The following MYRIP variants were observed in gnomAD, a reference collection of about 807,000 sequenced individuals.
MYRIP encodes myosin VIIA and Rab interacting protein.
In MYRIP, 49 loss-of-function variants were observed where a neutral mutation model predicts 98.0. The ratio of observed to expected loss-of-function variants is 0.50; its 90% CI spans 0.40 to 0.63. The LOEUF (loss-of-function observed/expected upper bound fraction) is 0.63. MYRIP is among the 30% of genes least tolerant of loss of function. The probability of loss-of-function intolerance (pLI) is 0.00; values close to 1 mark genes in which losing one functional copy is unlikely to be tolerated. For synonymous variants in MYRIP, 404 were observed against 409.5 expected, an observed-to-expected ratio of 0.99 and a Z score of 0.16; for missense variants, 1,004 against 1,058.2, an observed-to-expected ratio of 0.95 and a Z score of 0.71.
At chr3:40,007,520 A>G (rs905075405) in intron 2 of MYRIP, among the ~76,000 whole-genome samples, 1 of 152,192 alleles carries the variant, frequency 6.6e-6, no homozygotes, top group Non-Finnish European at 1.5e-5. Context: ...TTCCTCACAG[A>G]CATTGTGATG....
intron 3 of MYRIP, among the ~76,000 whole-genome samples, chr3:40,108,269 G>C (rs1362508351): frequency 1.5e-5 from 1 of 68,098 alleles, no homozygotes; most frequent in East Asian, 2.8e-4. Flanking sequence ...CAACCAGCTT[G>C]TGTGAAAAAA....
chr3:40,073,779 C>A (rs59795125), intron 3 of MYRIP, among the ~76,000 whole-genome samples: 2,478 of 152,342 alleles, frequency 0.016, 56 homozygotes, highest in African/African-American at 0.054. Context: ...CTGCTCATAT[C>A]TAGCAGCATG....
intron 3 of MYRIP, among the ~76,000 whole-genome samples, chr3:40,137,579 C>A (rs1949806948): frequency 6.6e-6 from 1 of 152,076 alleles, no homozygotes; most frequent in Non-Finnish European, 1.5e-5. Context: ...CAGACACAAG[C>A]AAAAAACAGA....
chr3:39,975,285 C>T lies in MYRIP; in HGVS notation c.111-68765C>T, dbSNP rs547445489. Among the ~76,000 whole-genome samples the T allele has an allele frequency of 3.5e-4, 54 of 152,216 alleles. 1 individual carries two copies. The highest frequency in any genetic ancestry group is 1.3e-3 in the African/African-American group (54 of 41,528). Reference sequence around the variant, plus strand: ...AACAGAGAGCCAAATCATGAGTGAACTCCCATTCACAATTGCTTCAAAGAG... The same window carrying T: ...AACAGAGAGCCAAATCATGAGTGAATTCCCATTCACAATTGCTTCAAAGAG... On this transcript the variant is annotated intron_variant, in intron 2 of 16. Transcript: ENST00000302541.
At chr3:40,071,777 A>G (rs1390957060) in intron 3 of MYRIP, among the ~76,000 whole-genome samples, 1 of 152,214 alleles carries the variant, frequency 6.6e-6, no homozygotes, top group Non-Finnish European at 1.5e-5. Context: ...GACAGGACAT[A>G]TAAAAGAGTT....
chr3:40,254,615 G>C (rs1266980978), intron 16 of MYRIP, among the ~76,000 whole-genome samples: 2 of 152,098 alleles, frequency 1.3e-5, no homozygotes, highest in African/African-American at 2.4e-5. Flanking sequence ...GGCAAAATAT[G>C]GGGGAGGCAT....
At chr3:39,879,158 CT>C (rs1398963428) in intron 1 of MYRIP, among the ~76,000 whole-genome samples, 6 of 151,358 alleles carry the variant, frequency 4.0e-5, no homozygotes, top group Non-Finnish European at 7.4e-5. Flanking sequence ...GTATTTTATT[CT>C]TTGAGTTCTT....
At chr3:40,235,069 T>A (rs1355114781) in intron 12 of MYRIP, among the ~76,000 whole-genome samples, 1 of 152,030 alleles carries the variant, frequency 6.6e-6, no homozygotes, top group Non-Finnish European at 1.5e-5. Context: ...AGCCTCCTTG[T>A]GCCATTAGCA....
chr3:39,899,119 C>A (rs1038130640), intron 1 of MYRIP, among the ~76,000 whole-genome samples: 4 of 152,092 alleles, frequency 2.6e-5, no homozygotes, highest in African/African-American at 9.7e-5. Flanking sequence ...GTACCACATT[C>A]CACTTTGGTT....
intron 1 of MYRIP, among the ~76,000 whole-genome samples, chr3:39,814,030 G>T (rs759982557): frequency 6.6e-6 from 1 of 152,042 alleles, no homozygotes; most frequent in Non-Finnish European, 1.5e-5. Flanking sequence ...ATAGATAAAA[G>T]ATTTTTCTAC....
intron 2 of MYRIP, among the ~76,000 whole-genome samples, chr3:39,941,691 A>G (rs1575399328): frequency 6.6e-6 from 1 of 152,072 alleles, no homozygotes; most frequent in South Asian, 2.1e-4. Flanking sequence ...ATTACATCAC[A>G]TCACATTATA....
chr3:40,252,369 C>A (rs2125724774), intron 16 of MYRIP, among the ~76,000 whole-genome samples: 1 of 152,150 alleles, frequency 6.6e-6, no homozygotes, highest in East Asian at 1.9e-4. Flanking sequence ...CGGCTTACAC[C>A]CAGAAGATTT....
intron 11 of MYRIP, among the ~76,000 whole-genome samples, chr3:40,223,661 T>C (rs116352896): frequency 0.012 from 1,796 of 152,318 alleles, 42 homozygotes; most frequent in African/African-American, 0.039. Flanking sequence ...CAGAGAGATG[T>C]TGAACTTCTC....
intron 1 of MYRIP, among the ~76,000 whole-genome samples, chr3:39,885,990 C>G (rs1219385582): frequency 2.6e-5 from 4 of 152,040 alleles, no homozygotes; most frequent in Non-Finnish European, 5.9e-5. Flanking sequence ...GCCTTCTTCT[C>G]TCAGCTCATC....
intron 13 of MYRIP, among the ~76,000 whole-genome samples, chr3:40,246,522 G>A (rs1953211053): frequency 1.3e-5 from 2 of 152,200 alleles, no homozygotes; most frequent in South Asian, 4.1e-4. Context: ...ACAATTTCTA[G>A]TCTCCTCTTG....
intron 13 of MYRIP, among the ~76,000 whole-genome samples, chr3:40,247,925 C>T (rs1024360665): frequency 6.6e-6 from 1 of 152,242 alleles, no homozygotes; most frequent in Non-Finnish European, 1.5e-5. Context: ...ACTTGCATGG[C>T]ATGGGAGGTT....
chr3:39,808,955 G>T (rs2049625), upstream of MYRIP: 28,998 of 152,152 alleles, frequency 0.19, 2,866 homozygotes, highest in South Asian at 0.29. Context: ...ACTTGGGGGC[G>T]CATTAGCCTG....
At chr3:40,113,978 C>G (rs1197634825) in intron 3 of MYRIP, among the ~76,000 whole-genome samples, 2 of 152,164 alleles carry the variant, frequency 1.3e-5, no homozygotes, top group Admixed American at 1.3e-4. Flanking sequence ...CATGAACCAC[C>G]GCACTCAGCC....
chr3:39,899,776 G>A (rs1943702876), intron 1 of MYRIP, among the ~76,000 whole-genome samples: 1 of 152,130 alleles, frequency 6.6e-6, no homozygotes, highest in Admixed American at 6.6e-5. Flanking sequence ...TTAATTTGCA[G>A]TTCTGTAATT....
Sources: gnomAD v4.1 joint callset for allele counts (sites outside exome capture counted in the v4.1 genomes callset) on GRCh38, gnomAD v4.1.1 for gene constraint, MANE v1.5 for transcripts, NCBI Gene and HGNC (gene_info 2026-07-23, HGNC 2026-07-21) for gene names.